CKMT2: variants seen among roughly 807,000 people sequenced by gnomAD.
CKMT2 encodes the protein creatine kinase S-type, mitochondrial.
A neutral mutation model predicts 48.9 loss-of-function variants in CKMT2; 43 were observed. The observed-to-expected ratio is 0.88, with a 90% CI of 0.69 to 1.13. The LOEUF (loss-of-function observed/expected upper bound fraction) is 1.13, where lower values mean the gene tolerates loss of function less well. CKMT2 is among the 50% of genes most tolerant of loss of function. The probability of loss-of-function intolerance (pLI) is 0.00; values close to 1 mark genes in which losing one functional copy is unlikely to be tolerated. For missense variants in CKMT2, 472 were observed against 555.4 expected (o/e 0.85, Z 1.51); for synonymous variants, 206 against 213.0 (o/e 0.97, Z 0.29).
Position 81,255,089 on chromosome 5 carries a change from C to T in CKMT2, c.544C>T (p.Arg182Trp), listed in dbSNP as rs1025098115. The T allele has an allele frequency of 7.4e-6, 12 of 1,614,036 alleles. No individual in the cohort carries two copies. Among genetic ancestry groups the T allele is most frequent in the South Asian group, 1.1e-5 (1 of 91,086 alleles). Reference sequence around the variant, plus strand: ...GCTGAGCCTGCCTCCAGCCTGCACCCGGGCCGAGCGAAGGGAGGTAGAGAA... The same window carrying T: ...GCTGAGCCTGCCTCCAGCCTGCACCTGGGCCGAGCGAAGGGAGGTAGAGAA... The part of the protein sequence containing the change: ...RGLSLPPACT[R>W]AERREVENVA... The change falls in exon 5 of 10, where the codon CGG (arginine) becomes TGG (tryptophan). Residue 182 changes from arginine (R) to tryptophan (W), a missense_variant. By Grantham distance (101) the Arg-to-Trp change is moderately radical. Transcript: ENST00000254035.
intron 2 of CKMT2, among the ~76,000 whole-genome samples, chr5:81,251,613 CA>C (rs907097325): frequency 1.3e-5 from 2 of 151,156 alleles, no homozygotes; most frequent in South Asian, 2.1e-4. Context: ...AAAACAAAAA[CA>C]AAAAAAAATC....
chr5:81,235,779 T>C (rs1756226116), intron 1 of CKMT2: 1 of 152,280 alleles, frequency 6.6e-6, no homozygotes, highest in South Asian at 2.1e-4. Flanking sequence ...GTTTTTTTAA[T>C]GCGGAGGGCA....
intron 1 of CKMT2, among the ~76,000 whole-genome samples, chr5:81,249,120 C>T (rs996265717): frequency 1.0e-4 from 15 of 150,714 alleles, no homozygotes; most frequent in African/African-American, 3.2e-4. Context: ...ATAATCTTGG[C>T]TCACTACAAC....
rs114757594 is a variant in CKMT2 at position 81,263,448 on chromosome 5, A to G, written c.1015-43A>G. 5.1e-4 allele frequency: 747 copies of G among 1,465,522 alleles called. 3 individuals are homozygous for G. In the African/African-American group the frequency reaches 9.5e-3, roughly 19 times the overall value. 90.8% of individuals were successfully genotyped at this position (1,465,522 alleles called of 1,614,324 possible). A position where few individuals can be genotyped will look rare whatever the true frequency, so the allele number is the denominator to read the frequency against. ...TAAACGCACCAATGATTATGAATCA[A>G]TTTTGCCTCTTAGCACATTTAAGTA... On this transcript the variant is annotated intron_variant, in intron 8 of 9. Transcript: ENST00000254035.
intron 1 of CKMT2, among the ~76,000 whole-genome samples, chr5:81,249,651 C>CCATTTTTTG (rs140187893): frequency 0.077 from 11,739 of 151,952 alleles, 537 homozygotes; most frequent in Admixed American, 0.1. Context: ...CATGTTTTCT[C>CCATTTTTTG]CATTTCAGGC....
chr5:81,266,142 G>T lies in CKMT2; in HGVS notation c.1144G>T (p.Glu382Ter). ...NIDRIGRSEV[E>*]LVQIVIDGVN... Reference sequence around the variant, plus strand: ...TTCATCTTCTTCACTGTCAAAGGTTGAGCTTGTTCAGATAGTCATCGATGG... The same window carrying T: ...TTCATCTTCTTCACTGTCAAAGGTTTAGCTTGTTCAGATAGTCATCGATGG... Residue 382 changes from glutamate (E) to a stop codon, truncating the protein, a stop_gained, in exon 10 of 10, where the codon GAG becomes TAG. Transcript: ENST00000254035. LOFTEE classifies it high-confidence loss of function. 6.2e-7 allele frequency: 1 copy of T among 1,612,282 alleles called. No homozygotes were observed. Among genetic ancestry groups the T allele is most frequent in the South Asian group, 1.1e-5 (1 of 90,942 alleles).
chr5:81,251,493 C>T (rs928442232), intron 2 of CKMT2, among the ~76,000 whole-genome samples: 2 of 152,160 alleles, frequency 1.3e-5, no homozygotes, highest in Non-Finnish European at 2.9e-5. Context: ...GAGGCTGAGG[C>T]AGGAGAATTG....
intron 8 of CKMT2, among the ~76,000 whole-genome samples, chr5:81,260,470 C>A (rs2112822629): frequency 6.6e-6 from 1 of 151,838 alleles, no homozygotes; most frequent in South Asian, 2.1e-4. Context: ...ACAAAATAGA[C>A]CACTAGTCAG....
intron 8 of CKMT2, 23 bp from the exon 9 acceptor site, chr5:81,263,468 T>C: frequency 6.4e-7 from 1 of 1,551,964 alleles, no homozygotes; most frequent in African/African-American, 1.4e-5. Context: ...TTAGCACATT[T>C]AAGTATTATC....
chr5:81,265,132 G>A (rs1757345041), intron 9 of CKMT2, among the ~76,000 whole-genome samples: 1 of 152,168 alleles, frequency 6.6e-6, no homozygotes, highest in Non-Finnish European at 1.5e-5. Flanking sequence ...GTTAAAACCA[G>A]AGTTCCCTAT....
intron 9 of CKMT2, among the ~76,000 whole-genome samples, chr5:81,264,118 T>G (rs903535564): frequency 6.6e-6 from 1 of 152,254 alleles, no homozygotes; most frequent in African/African-American, 2.4e-5. Flanking sequence ...GCAACTATGT[T>G]ATGTGCTAGG....
intron 8 of CKMT2, 59 bp downstream of exon 8, chr5:81,259,313 T>C: frequency 6.7e-7 from 1 of 1,493,430 alleles, no homozygotes; most frequent in Non-Finnish European, 9.0e-7. Flanking sequence ...GCGACTGCTT[T>C]GTGGAGGAAG....
intron 5 of CKMT2, 82 bp downstream of exon 5, chr5:81,255,296 C>T (rs1756965604): frequency 1.6e-6 from 2 of 1,271,660 alleles, no homozygotes; most frequent in Non-Finnish European, 2.2e-6. Flanking sequence ...TGGTGCTCTG[C>T]TCAGTCCTTA....
intron 6 of CKMT2, among the ~76,000 whole-genome samples, 180 bp downstream of exon 6, chr5:81,257,180 G>C (rs950903628): frequency 7.7e-5 from 11 of 142,656 alleles, no homozygotes; most frequent in African/African-American, 2.6e-4. Flanking sequence ...GTGTGTGTGT[G>C]TGTCTAAGCA....
intron 1 of CKMT2, among the ~76,000 whole-genome samples, chr5:81,248,914 ATTC>A (rs1756703532): frequency 6.6e-6 from 1 of 152,168 alleles, no homozygotes; most frequent in Non-Finnish European, 1.5e-5. Context: ...GTTGATGTTT[ATTC>A]TTCACTGGAT....
intron 1 of CKMT2, among the ~76,000 whole-genome samples, 173 bp from the exon 2 acceptor site, chr5:81,250,940 A>AACACAC (rs142418532): frequency 0.018 from 2,354 of 133,056 alleles, 24 homozygotes; most frequent in South Asian, 0.027. Context: ...AGAAATAGAA[A>AACACAC]ACACACACAC....
chr5:81,235,961 G>A (rs1275974851), intron 1 of CKMT2: 1 of 152,202 alleles, frequency 6.6e-6, no homozygotes, highest in African/African-American at 2.4e-5. Flanking sequence ...TCCAGGTTAG[G>A]GAAACTGAGG....
In CKMT2 at chr5:81,266,216, T is replaced by A; in HGVS notation, c.1218T>A (p.Asp406Glu). 6.2e-7 allele frequency: 1 copy of A among 1,613,440 alleles called. No individual in the cohort carries two copies. The highest frequency in any genetic ancestry group is 8.5e-7 in the Non-Finnish European group (1 of 1,179,438). The change falls in exon 10 of 10, where the codon GAT (aspartate) becomes GAA (glutamate). Residue 406 changes from aspartate (D) to glutamate (E), a missense_variant. Physicochemically the swap from Asp to Glu is conservative, Grantham distance 45. Transcript: ENST00000254035. ...AAAAGAAGTTGGAGAGAGGCCAAGA[T>A]ATTAAGGTGCCACCCCCTCTGCCTC... ...DCEKKLERGQ[D>E]IKVPPPLPQF...
intron 1 of CKMT2, among the ~76,000 whole-genome samples, chr5:81,236,692 C>A (rs909306883): frequency 1.3e-5 from 2 of 152,112 alleles, no homozygotes; most frequent in African/African-American, 4.8e-5. Context: ...GCCAGGAAGT[C>A]ATTGGAGACA....
Sources: allele counts gnomAD v4.1 joint callset (sites outside exome capture counted in the v4.1 genomes callset), GRCh38; gene constraint gnomAD v4.1.1; transcripts MANE v1.5; gene names NCBI Gene and HGNC (gene_info 2026-07-23, HGNC 2026-07-21).